Variants in CPQ observed in about 807,000 individuals in gnomAD.
CPQ encodes Ser-Met dipeptidase.
CPQ carries 37 observed loss-of-function variants against 45.7 expected under a neutral mutation model. The ratio of observed to expected loss-of-function variants is 0.81; its 90% CI spans 0.62 to 1.07. The LOEUF is 1.07. Among genes scored for constraint, CPQ ranks in the 50% least tolerant of loss-of-function variants. CPQ has a pLI of 0.00. For missense variants in CPQ, 537 were observed against 572.9 expected (o/e 0.94, Z 0.64); for synonymous variants, 186 against 205.8 (o/e 0.90, Z 0.82).
intron 1 of CPQ, among the ~76,000 whole-genome samples, chr8:96,652,364 C>T (rs1237718840): frequency 6.6e-6 from 1 of 152,148 alleles, no homozygotes; most frequent in African/African-American, 2.4e-5. Context: ...TATTCTTTAG[C>T]CATTTATCTG....
intron 1 of CPQ, among the ~76,000 whole-genome samples, chr8:96,713,597 C>A (rs1450074282): frequency 6.6e-6 from 1 of 152,120 alleles, no homozygotes; most frequent in African/African-American, 2.4e-5. Context: ...CACTCACTAT[C>A]ATGAGAATAG....
intron 1 of CPQ, among the ~76,000 whole-genome samples, chr8:96,742,241 G>T (rs575560619): frequency 5.0e-4 from 76 of 152,198 alleles, no homozygotes; most frequent in African/African-American, 1.8e-3. Context: ...GTCCTTCTTT[G>T]TCTCTTTTGA....
rs1237256529 is a variant in CPQ at position 96,879,990 on chromosome 8, C to A, written c.834C>A (p.Ser278Arg). Residue 278 changes from serine (S) to arginine (R), a missense_variant, in exon 4 of 8, where the codon AGC becomes AGA. Coordinates refer to ENST00000220763, the MANE Select transcript of CPQ (RefSeq NM_016134.4). The part of the protein sequence containing the change: ...SFNTVAEITG[S>R]KYPEQVVLVS... ...ACACTGTAGCAGAGATCACTGGGAG[C>A]AAATATCCAGAACAGGTGAGTGAAG... The A allele has an allele frequency of 6.2e-7, 1 of 1,613,718 alleles. No homozygotes were observed. The highest frequency in any genetic ancestry group is 2.2e-5 in the East Asian group (1 of 44,858).
intron 4 of CPQ, among the ~76,000 whole-genome samples, chr8:96,948,745 A>G (rs944312753): frequency 1.3e-5 from 2 of 152,022 alleles, no homozygotes; most frequent in African/African-American, 4.8e-5. Context: ...GTGGTATCGA[A>G]GTTTCCTACT....
At chr8:96,679,263 AATT>A (rs1809116592) in intron 1 of CPQ, among the ~76,000 whole-genome samples, 1 of 152,104 alleles carries the variant, frequency 6.6e-6, no homozygotes, top group Non-Finnish European at 1.5e-5. Flanking sequence ...CCCTGGGATA[AATT>A]CCACTTGATT....
chr8:96,900,097 G>A (rs188316299), intron 4 of CPQ, among the ~76,000 whole-genome samples: 1 of 152,256 alleles, frequency 6.6e-6, no homozygotes, highest in African/African-American at 2.4e-5. Flanking sequence ...TTATCCCAAT[G>A]TTACAGTTGA....
intron 7 of CPQ, 93 bp downstream of exon 7, chr8:97,066,303 G>T: frequency 1.7e-6 from 2 of 1,155,368 alleles, no homozygotes; most frequent in Admixed American, 2.7e-5. Context: ...ATACTAGTAG[G>T]CCAGGTTGTC....
At chr8:96,813,752 A>AT (rs1436535689) in intron 2 of CPQ, among the ~76,000 whole-genome samples, 2 of 152,246 alleles carry the variant, frequency 1.3e-5, no homozygotes, top group African/African-American at 4.8e-5. Flanking sequence ...AACGCCTGGT[A>AT]TATCAGATAC....
At position 96,960,336 on chromosome 8, in the gene CPQ, T is replaced by C. The variant is rs191530455; in HGVS notation, c.850-5599T>C. On this transcript the variant is annotated intron_variant, in intron 4 of 7. Transcript: ENST00000220763. The stretch of plus-strand genomic sequence containing the variant: ...AGATTGTGATAGCTTTGTAAGTAAA[T>C]GTAGATATTTTCTATACTTTTTCTT... Among the ~76,000 whole-genome samples the C allele has an allele frequency of 1.9e-3, 293 of 152,302 alleles. 2 individuals are homozygous for C. Among genetic ancestry groups the C allele is most frequent in the African/African-American group, 5.4e-3 (223 of 41,582 alleles).
intron 1 of CPQ, among the ~76,000 whole-genome samples, chr8:96,646,496 G>C (rs917546070): frequency 6.6e-6 from 1 of 152,150 alleles, no homozygotes; most frequent in Non-Finnish European, 1.5e-5. Context: ...TGAGACAGGT[G>C]CTGGCTGATT....
intron 4 of CPQ, among the ~76,000 whole-genome samples, chr8:96,949,185 T>G (rs1169900010): frequency 6.6e-6 from 1 of 152,102 alleles, no homozygotes; most frequent in African/African-American, 2.4e-5. Context: ...TTTCATTAGT[T>G]GTTTTCTTTT....
chr8:96,718,239 G>T (rs568366211), intron 1 of CPQ, among the ~76,000 whole-genome samples: 1 of 152,178 alleles, frequency 6.6e-6, no homozygotes, highest in Non-Finnish European at 1.5e-5. Flanking sequence ...TGTTGTGTCC[G>T]GAATTGGTGG....
intron 1 of CPQ, among the ~76,000 whole-genome samples, chr8:96,779,203 G>T (rs1810654932): frequency 6.6e-6 from 1 of 152,000 alleles, no homozygotes; most frequent in Admixed American, 6.6e-5. Context: ...CCTCTAGAAA[G>T]GGTACCATTC....
At chr8:96,836,493 C>G (rs1034814592) in intron 3 of CPQ, among the ~76,000 whole-genome samples, 10 of 152,094 alleles carry the variant, frequency 6.6e-5, no homozygotes, top group African/African-American at 2.4e-4. Context: ...TTAGAGGTTT[C>G]AAGACTAGTG....
At chr8:97,014,160 T>G (rs1367322934) in intron 5 of CPQ, among the ~76,000 whole-genome samples, 6 of 152,166 alleles carry the variant, frequency 3.9e-5, no homozygotes, top group African/African-American at 1.4e-4. Flanking sequence ...AGTTGGCGAT[T>G]GCAACAATTC....
chr8:96,885,833 CA>C (rs1299332133), intron 4 of CPQ, among the ~76,000 whole-genome samples: 1 of 151,616 alleles, frequency 6.6e-6, no homozygotes, highest in East Asian at 1.9e-4. Flanking sequence ...CTAAAAAATA[CA>C]AAAAAAAGTT....
At chr8:97,054,450 T>C (rs9297270) in intron 6 of CPQ, among the ~76,000 whole-genome samples, 19,214 of 152,224 alleles carry the variant, frequency 0.13, 2,891 homozygotes, top group African/African-American at 0.36. Context: ...GAAGTCATTA[T>C]ATCAAAAAGA....
chr8:97,034,891 A>ATTTTTTTTT (rs111486679), intron 6 of CPQ, among the ~76,000 whole-genome samples: 1 of 123,026 alleles, frequency 8.1e-6, no homozygotes, highest in Non-Finnish European at 1.8e-5. Context: ...GTCCCTTTCT[A>ATTTTTTTTT]TTTTTTTTTT....
chr8:96,794,649 G>C (rs1488694573), intron 2 of CPQ, among the ~76,000 whole-genome samples: 1 of 152,134 alleles, frequency 6.6e-6, no homozygotes, highest in Non-Finnish European at 1.5e-5. Flanking sequence ...ACATTGTCAG[G>C]CTGCAAATTT....
Sources: gnomAD v4.1 joint callset for allele counts (sites outside exome capture counted in the v4.1 genomes callset) on GRCh38, gnomAD v4.1.1 for gene constraint, MANE v1.5 for transcripts, NCBI Gene and HGNC (gene_info 2026-07-23, HGNC 2026-07-21) for gene names.